MYO16: variants seen among roughly 807,000 people sequenced by gnomAD.
The protein encoded by MYO16 is myosin XVI.
MYO16 carries 94 observed loss-of-function variants against 205.3 expected under a neutral mutation model. That is an observed-to-expected ratio of 0.46 (90% confidence interval 0.39 to 0.54). The LOEUF is 0.54. Among genes scored for constraint, MYO16 ranks in the 20% least tolerant of loss-of-function variants. The pLI, the probability that MYO16 is intolerant of heterozygous loss-of-function variation, is 0.00. For missense variants in MYO16, 2,315 were observed against 2,387.5 expected (o/e 0.97, Z 0.63); for synonymous variants, 988 against 954.0 (o/e 1.04, Z -0.66).
chr13:108,637,088 A>G (rs1481552651), intron 1 of MYO16, among the ~76,000 whole-genome samples: 3 of 152,244 alleles, frequency 2.0e-5, no homozygotes, highest in Admixed American at 6.5e-5. Context: ...GTATGCATAT[A>G]TACACACATA....
intron 22 of MYO16, among the ~76,000 whole-genome samples, chr13:109,018,499 G>A (rs1372297771): frequency 5.3e-5 from 8 of 152,136 alleles, no homozygotes; most frequent in African/African-American, 1.9e-4. Context: ...CAACGTGCTG[G>A]GAGAACCACT....
chr13:108,542,827 T>C, the MYO16 span, among the ~76,000 whole-genome samples: 1 of 151,880 alleles, frequency 6.6e-6, no homozygotes, highest in Non-Finnish European at 1.5e-5. Flanking sequence ...ATCTGCATTT[T>C]ATTCTATTAT....
intron 4 of MYO16, among the ~76,000 whole-genome samples, chr13:108,771,231 G>T (rs1011141059): frequency 1.3e-5 from 2 of 151,948 alleles, no homozygotes; most frequent in Non-Finnish European, 2.9e-5. Flanking sequence ...TTCTATTAGC[G>T]CATGAATACA....
rs754942923 is a variant in MYO16, at chr13:108,666,054, T to C, written c.197T>C (p.Phe66Ser). Reference sequence around the variant, plus strand: ...AAGGCTTTTCAGAAGCAGGAAGGGTTCCTGAAAAGGCTGAAGCATGCGAAG... The same window carrying C: ...AAGGCTTTTCAGAAGCAGGAAGGGTCCCTGAAAAGGCTGAAGCATGCGAAG... ...REKAFQKQEGFLKRLKHAKNP... is the reference protein window; with the variant it reads ...REKAFQKQEGSLKRLKHAKNP... Residue 66 changes from phenylalanine to serine, a missense_variant, in exon 2 of 35, where the codon TTC becomes TCC. Physicochemically the swap from Phe to Ser is radical, Grantham distance 155. Coordinates refer to ENST00000457511, the MANE Select transcript of MYO16 (RefSeq NM_001198950.3). The C allele has an allele frequency of 3.7e-6, 6 of 1,614,024 alleles. No individual in the cohort carries two copies. In the Admixed American group the frequency reaches 8.3e-5, roughly 22 times the overall value.
chr13:108,824,147 C>T (rs1400386639), intron 9 of MYO16, among the ~76,000 whole-genome samples: 1 of 151,930 alleles, frequency 6.6e-6, no homozygotes, highest in Admixed American at 6.6e-5. Flanking sequence ...TCATGAACAG[C>T]AGTCAGGTAA....
At chr13:108,874,376 T>TA (rs147492946) in intron 12 of MYO16, among the ~76,000 whole-genome samples, 2 of 152,064 alleles carry the variant, frequency 1.3e-5, no homozygotes, top group Non-Finnish European at 2.9e-5. Context: ...AGCAAGAAGT[T>TA]AAAAAAATTA....
intron 27 of MYO16, among the ~76,000 whole-genome samples, chr13:109,081,014 A>G (rs367933539): frequency 6.6e-6 from 1 of 152,114 alleles, no homozygotes; most frequent in Non-Finnish European, 1.5e-5. Flanking sequence ...GCAAACAAAA[A>G]CGTATTGACA....
intron 22 of MYO16, 128 bp downstream of exon 22, chr13:109,009,177 T>C: frequency 1.4e-6 from 1 of 719,876 alleles, no homozygotes; most frequent in East Asian, 3.0e-5. Context: ...CAATAATTTT[T>C]CAAAATGTAT....
At chr13:108,950,507 A>G (rs1883102566) in intron 16 of MYO16, among the ~76,000 whole-genome samples, 1 of 152,178 alleles carries the variant, frequency 6.6e-6, no homozygotes. Context: ...CCACATACCT[A>G]TCAGAACAGC....
the MYO16 span, among the ~76,000 whole-genome samples, chr13:108,564,232 A>G: frequency 2.1e-5 from 3 of 144,828 alleles, no homozygotes; most frequent in Non-Finnish European, 4.5e-5. Flanking sequence ...ATGCAGTGGC[A>G]CCATCTTGGC....
intron 16 of MYO16, 131 bp downstream of exon 16, chr13:108,910,281 G>T: frequency 1.1e-6 from 1 of 950,528 alleles, no homozygotes; most frequent in Non-Finnish European, 1.6e-6. Flanking sequence ...GATACTGTTA[G>T]GTTGAAACCA....
chr13:108,962,403 A>T lies in MYO16; in HGVS notation c.2156-21A>T, dbSNP rs767055466. On this transcript the variant is annotated intron_variant, in intron 18 of 34. Coordinates refer to ENST00000457511, the MANE Select transcript of MYO16 (RefSeq NM_001198950.3). ...CAAAAAATATACTAACTTTATGTTT[A>T]TAATGCTGATTTAATTTTAGTGGCT... 4 of 1,591,054 alleles carry T rather than the reference A, an allele frequency of 2.5e-6. No homozygotes were observed. The African/African-American group carries it at 5.4e-5, about 21-fold the overall frequency.
At chr13:108,695,599 T>A (rs1334140328) in intron 2 of MYO16, among the ~76,000 whole-genome samples, 1 of 152,122 alleles carries the variant, frequency 6.6e-6, no homozygotes, top group Non-Finnish European at 1.5e-5. Flanking sequence ...GGATCATGGC[T>A]TTTTTCATGG....
At chr13:108,857,972 A>ATTCCT (rs1352702042) in intron 11 of MYO16, among the ~76,000 whole-genome samples, 2 of 152,184 alleles carry the variant, frequency 1.3e-5, no homozygotes, top group African/African-American at 4.8e-5. Flanking sequence ...TAAAATACAG[A>ATTCCT]AAAGCTCAAT....
At chr13:109,094,542 A>T (rs968957086) in intron 27 of MYO16, among the ~76,000 whole-genome samples, 1 of 152,164 alleles carries the variant, frequency 6.6e-6, no homozygotes, top group Non-Finnish European at 1.5e-5. Flanking sequence ...TATTATTATT[A>T]TACTTTAAGC....
At chr13:108,949,324 T>A (rs188982055) in intron 16 of MYO16, among the ~76,000 whole-genome samples, 30 of 152,292 alleles carry the variant, frequency 2.0e-4, no homozygotes, top group Non-Finnish European at 3.7e-4. Context: ...CTCCTAAAAC[T>A]AGTGAGTTCA....
chr13:109,072,013 G>A (rs765427039), intron 27 of MYO16, among the ~76,000 whole-genome samples: 6 of 152,124 alleles, frequency 3.9e-5, no homozygotes, highest in African/African-American at 1.4e-4. Context: ...CTATGGTTAT[G>A]CTGCCAATAA....
intron 32 of MYO16, among the ~76,000 whole-genome samples, chr13:109,164,666 A>G (rs1878554619): frequency 6.6e-6 from 1 of 152,204 alleles, no homozygotes; most frequent in Non-Finnish European, 1.5e-5. Context: ...TTCTTTATAA[A>G]TATGTTTGAA....
chr13:108,792,015 A>G lies in MYO16; in HGVS notation c.617-1501A>G, dbSNP rs139679953. On this transcript the variant is annotated intron_variant, in intron 5 of 34. Coordinates refer to ENST00000457511, the MANE Select transcript of MYO16 (RefSeq NM_001198950.3). ...CACTTGCTGTGAGGGAGGTATCACCATCATTATCATTTTTCCCTTGGAAGA... is the reference window on the plus strand; with the variant it reads ...CACTTGCTGTGAGGGAGGTATCACCGTCATTATCATTTTTCCCTTGGAAGA... 3.3e-3 allele frequency among the ~76,000 whole-genome samples: 497 copies of G among 152,322 alleles called. 4 individuals carry two copies. Among genetic ancestry groups the G allele is most frequent in the African/African-American group, 0.011 (477 of 41,572 alleles).
Sources: allele counts gnomAD v4.1 joint callset (sites outside exome capture counted in the v4.1 genomes callset), GRCh38; gene constraint gnomAD v4.1.1; transcripts MANE v1.5; gene names NCBI Gene and HGNC (gene_info 2026-07-23, HGNC 2026-07-21).